The following RAB27B variants were observed in gnomAD, a reference collection of about 807,000 sequenced individuals.
RAB27B encodes the protein ras-related protein Rab-27B.
A neutral mutation model predicts 24.6 loss-of-function variants in RAB27B; 15 were observed. The ratio of observed to expected loss-of-function variants is 0.61; its 90% CI spans 0.41 to 0.94. The LOEUF (loss-of-function observed/expected upper bound fraction) is 0.94. Among genes scored for constraint, RAB27B ranks in the 40% least tolerant of loss-of-function variants. The pLI is 0.00. For synonymous variants in RAB27B, 105 were observed against 92.5 expected (o/e 1.14, Z -0.78); for missense variants, 261 against 266.8 (o/e 0.98, Z 0.15).
At chr18:54,845,026 T>G (rs189929676) in intron 1 of RAB27B, among the ~76,000 whole-genome samples, 1 of 152,288 alleles carries the variant, frequency 6.6e-6, no homozygotes, top group African/African-American at 2.4e-5. Flanking sequence ...CAAAGCTTCT[T>G]ATGTATTAGG....
At chr18:54,842,255 G>A (rs1356356721) in intron 1 of RAB27B, among the ~76,000 whole-genome samples, 1 of 152,158 alleles carries the variant, frequency 6.6e-6, no homozygotes, top group Admixed American at 6.5e-5. Context: ...TATGTAAACA[G>A]TTTCTTGCTT....
Position 54,856,859 on chromosome 18 carries a change from C to T in RAB27B, c.-19-20708C>T, listed in dbSNP as rs1043814214. Among the ~76,000 whole-genome samples, 12 of 152,266 alleles carry T rather than the reference C, an allele frequency of 7.9e-5. No homozygotes were observed. The South Asian group carries it at 2.1e-3, about 26-fold the overall frequency. On this transcript the variant is annotated intron_variant, in intron 1 of 5. Transcript: ENST00000262094. Reference sequence around the variant, plus strand: ...TGGGGGAAGATTAGTATCTTTGTTTCGTAAAAGAAACTATGCTACAAGCAT... The same window carrying T: ...TGGGGGAAGATTAGTATCTTTGTTTTGTAAAAGAAACTATGCTACAAGCAT...
intron 1 of RAB27B, among the ~76,000 whole-genome samples, chr18:54,861,869 G>A (rs555655599): frequency 2.6e-5 from 4 of 152,280 alleles, no homozygotes; most frequent in South Asian, 4.1e-4. Flanking sequence ...GCCTCTTTGT[G>A]TGTATTTCCT....
chr18:54,872,625 T>TAAA (rs67765103), intron 1 of RAB27B, among the ~76,000 whole-genome samples: 1 of 137,578 alleles, frequency 7.3e-6, no homozygotes, highest in Non-Finnish European at 1.5e-5. Flanking sequence ...AACTCTGCCT[T>TAAA]AAAAAAAAAA....
intron 2 of RAB27B, among the ~76,000 whole-genome samples, chr18:54,793,017 T>C (rs1194637295): frequency 6.6e-6 from 1 of 152,122 alleles, no homozygotes; most frequent in African/African-American, 2.4e-5. Flanking sequence ...TTATTTTTAA[T>C]CTGCATTTGG....
chr18:54,859,720 C>T (rs1171841916), intron 1 of RAB27B, among the ~76,000 whole-genome samples: 1 of 151,988 alleles, frequency 6.6e-6, no homozygotes, highest in East Asian at 1.9e-4. Flanking sequence ...GAGTGAAACT[C>T]GACAAAGACA....
chr18:54,832,071 G>T (rs540908734), intron 1 of RAB27B, among the ~76,000 whole-genome samples: 37 of 152,292 alleles, frequency 2.4e-4, no homozygotes, highest in Non-Finnish European at 4.3e-4. Context: ...ACCGCGCCTG[G>T]CCAGGTGATG....
chr18:54,721,010 T>G (rs1481888460), intron 2 of RAB27B, among the ~76,000 whole-genome samples: 1 of 152,132 alleles, frequency 6.6e-6, no homozygotes, highest in Non-Finnish European at 1.5e-5. Context: ...TTGTGTGAAC[T>G]GGGAGGCACA....
At chr18:54,874,701 T>TA (rs1305699301) in intron 1 of RAB27B, among the ~76,000 whole-genome samples, 12 of 152,182 alleles carry the variant, frequency 7.9e-5, no homozygotes, top group South Asian at 2.1e-4. Flanking sequence ...CAAAAACTGC[T>TA]AAAAAAATTA....
chr18:54,804,453 T>C (rs1909705347), intron 2 of RAB27B, among the ~76,000 whole-genome samples: 1 of 152,218 alleles, frequency 6.6e-6, no homozygotes, highest in African/African-American at 2.4e-5. Context: ...AAGTTAGAAG[T>C]GCCTTTTGCC....
At chr18:54,763,070 G>GT (rs1908243180) in intron 2 of RAB27B, among the ~76,000 whole-genome samples, 1 of 152,186 alleles carries the variant, frequency 6.6e-6, no homozygotes, top group South Asian at 2.1e-4. Flanking sequence ...GAATATTAGG[G>GT]TTTTTTAAAG....
chr18:54,829,314 A>G (rs891947276), intron 1 of RAB27B, among the ~76,000 whole-genome samples: 4 of 152,198 alleles, frequency 2.6e-5, no homozygotes, highest in African/African-American at 7.2e-5. Flanking sequence ...TTCCCACCCA[A>G]TGCAACATTA....
intron 2 of RAB27B, among the ~76,000 whole-genome samples, chr18:54,783,380 A>G (rs1052364210): frequency 2.0e-5 from 3 of 152,042 alleles, no homozygotes; most frequent in Non-Finnish European, 4.4e-5. Flanking sequence ...TGTGATTTTT[A>G]TGGCTCTGAT....
chr18:54,879,008 G>A (rs745438824), intron 2 of RAB27B, among the ~76,000 whole-genome samples: 5 of 152,112 alleles, frequency 3.3e-5, no homozygotes, highest in African/African-American at 1.2e-4. Context: ...AATCAGGAAG[G>A]GGTTATGGGT....
At chr18:54,721,647 G>A (rs1172386264) in intron 2 of RAB27B, among the ~76,000 whole-genome samples, 2 of 151,992 alleles carry the variant, frequency 1.3e-5, no homozygotes, top group Non-Finnish European at 2.9e-5. Flanking sequence ...AGGAATAGAG[G>A]CAAAAAGCAA....
intron 1 of RAB27B, among the ~76,000 whole-genome samples, chr18:54,836,507 G>A (rs796121271): frequency 2.0e-5 from 3 of 151,880 alleles, no homozygotes; most frequent in Admixed American, 6.6e-5. Context: ...AATCAATATC[G>A]TAAATATTGA....
chr18:54,744,259 G>A (rs1255644661), intron 2 of RAB27B, among the ~76,000 whole-genome samples: 1 of 152,076 alleles, frequency 6.6e-6, no homozygotes, highest in Non-Finnish European at 1.5e-5. Context: ...TCATTTTAGG[G>A]CAAAGTTTTA....
intron 1 of RAB27B, among the ~76,000 whole-genome samples, chr18:54,843,320 G>A (rs942359111): frequency 2.0e-5 from 3 of 151,118 alleles, no homozygotes; most frequent in African/African-American, 7.3e-5. Context: ...AAAGCTTTGT[G>A]GTAATAACAT....
rs1909326760 is a variant in RAB27B, at chr18:54,793,730, T to C, written c.-20+75589T>C. ...GTAATAAATTCAGAACATGGCACAC[T>C]GTAATGATCCAATCAAGTTTGAAAG... On this transcript the variant is annotated intron_variant, in intron 2 of 4. Coordinates refer to the RAB27B transcript ENST00000586570. Among the ~76,000 whole-genome samples the C allele has an allele frequency of 1.3e-5, 2 of 152,202 alleles. 1 individual carries two copies. Among genetic ancestry groups the C allele is most frequent in the South Asian group, 4.1e-4 (2 of 4,828 alleles).
Sources: allele counts gnomAD v4.1 joint callset (sites outside exome capture counted in the v4.1 genomes callset), GRCh38; gene constraint gnomAD v4.1.1; transcripts MANE v1.5; gene names NCBI Gene and HGNC (gene_info 2026-07-23, HGNC 2026-07-21).